NBEA: variants seen among roughly 807,000 people sequenced by gnomAD.
NBEA encodes lysosomal-trafficking regulator 2.
A neutral mutation model predicts 343.4 loss-of-function variants in NBEA; 44 were observed. That is an observed-to-expected ratio of 0.13 (90% CI 0.10 to 0.16). The LOEUF (loss-of-function observed/expected upper bound fraction) is 0.16, where lower values mean the gene tolerates loss of function less well. Among genes scored for constraint, NBEA ranks in the 10% least tolerant of loss-of-function variants. The probability of loss-of-function intolerance (pLI) is 1.00; values close to 1 mark genes in which losing one functional copy is unlikely to be tolerated. For missense variants in NBEA, 2,555 were observed against 3,631.3 expected (o/e 0.70, Z 7.62); for synonymous variants, 1,175 against 1,238.7 (o/e 0.95, Z 1.08).
chr13:35,146,822 C>T (rs1403231788), intron 18 of NBEA, among the ~76,000 whole-genome samples: 1 of 152,126 alleles, frequency 6.6e-6, no homozygotes, highest in South Asian at 2.1e-4. Context: ...TCAGCCCTAT[C>T]TCTATTATTG....
intron 48 of NBEA, among the ~76,000 whole-genome samples, chr13:35,617,663 TCA>T (rs1237804541): frequency 6.6e-6 from 1 of 152,334 alleles, no homozygotes; most frequent in East Asian, 1.9e-4. Context: ...TGCTCGTCTC[TCA>T]GTGTCTCCTG....
At chr13:35,130,724 C>T (rs2067373813) in intron 17 of NBEA, among the ~76,000 whole-genome samples, 1 of 150,638 alleles carries the variant, frequency 6.6e-6, no homozygotes, top group Non-Finnish European at 1.5e-5. Flanking sequence ...TTCAAACACA[C>T]AAAACTATAG....
chr13:34,995,020 T>C (rs1037426727), intron 1 of NBEA, among the ~76,000 whole-genome samples: 6 of 152,200 alleles, frequency 3.9e-5, no homozygotes, highest in Admixed American at 1.3e-4. Context: ...TGCTGAGAGC[T>C]TGTTGGGTGG....
At chr13:35,085,050 GAATAGACCAAT>G in intron 10 of NBEA, among the ~76,000 whole-genome samples, 1 of 152,184 alleles carries the variant, frequency 6.6e-6, no homozygotes, top group Non-Finnish European at 1.5e-5. Flanking sequence ...TTGAATCTCT[GAATAGACCAAT>G]AACAGGCTCT....
At chr13:35,015,280 G>A (rs529327208) in intron 1 of NBEA, among the ~76,000 whole-genome samples, 8 of 151,998 alleles carry the variant, frequency 5.3e-5, no homozygotes, top group South Asian at 2.1e-4. Context: ...TTGAAATAAT[G>A]TAGCTATTCA....
chr13:35,199,819 A>G (rs1437345449), intron 31 of NBEA, among the ~76,000 whole-genome samples: 2 of 152,124 alleles, frequency 1.3e-5, no homozygotes, highest in Non-Finnish European at 2.9e-5. Context: ...TTACTATTAC[A>G]TATTTCATCA....
chr13:35,070,174 A>C, intron 9 of NBEA, 69 bp downstream of exon 9: 1 of 1,304,682 alleles, frequency 7.7e-7, no homozygotes, highest in Non-Finnish European at 1.0e-6. Context: ...TTATATATCA[A>C]ACATTGCTCA....
intron 17 of NBEA, among the ~76,000 whole-genome samples, chr13:35,127,406 A>G (rs2067189752): frequency 6.6e-6 from 1 of 152,232 alleles, no homozygotes; most frequent in South Asian, 2.1e-4. Flanking sequence ...GCTGGTGAGC[A>G]CTGAATAAAT....
At chr13:35,340,652 A>T (rs1042126797) in intron 36 of NBEA, among the ~76,000 whole-genome samples, 7 of 152,034 alleles carry the variant, frequency 4.6e-5, no homozygotes, top group East Asian at 1.9e-4. Context: ...AACTTTTTTT[A>T]AAAAAGGAAT....
intron 41 of NBEA, chr13:35,475,834 A>C: frequency 6.2e-7 from 1 of 1,614,020 alleles, no homozygotes; most frequent in Non-Finnish European, 8.5e-7. Context: ...CCCGTCGCTC[A>C]ACTTCAGCAC....
At chr13:35,288,611 G>A (rs1177129070) in intron 34 of NBEA, among the ~76,000 whole-genome samples, 1 of 151,646 alleles carries the variant, frequency 6.6e-6, no homozygotes, top group African/African-American at 2.4e-5. Context: ...AACTATAAAT[G>A]GTCTTGTTGC....
At chr13:35,416,585 C>G (rs1242390207) in intron 38 of NBEA, among the ~76,000 whole-genome samples, 1 of 152,146 alleles carries the variant, frequency 6.6e-6, no homozygotes, top group Admixed American at 6.5e-5. Context: ...AGGGATGAAG[C>G]CAACTTGATC....
At chr13:35,355,573 C>T (rs1366713584) in intron 38 of NBEA, among the ~76,000 whole-genome samples, 1 of 152,086 alleles carries the variant, frequency 6.6e-6, no homozygotes, top group Non-Finnish European at 1.5e-5. Flanking sequence ...ACGCTTGCTG[C>T]AGAGGTTTAG....
At chr13:35,452,043 G>A in intron 39 of NBEA, 49 bp from the exon 40 acceptor site, 2 of 1,363,746 alleles carry the variant, frequency 1.5e-6, no homozygotes, top group South Asian at 2.5e-5. Context: ...CCTACTATAA[G>A]CAGAAACAAT....
intron 36 of NBEA, among the ~76,000 whole-genome samples, chr13:35,334,847 T>G (rs1381772729): frequency 1.3e-5 from 2 of 152,206 alleles, no homozygotes; most frequent in Non-Finnish European, 2.9e-5. Flanking sequence ...GTGAAGAAGT[T>G]TTTTAACTTG....
chr13:35,497,587 G>T (rs1328665448), intron 41 of NBEA, among the ~76,000 whole-genome samples: 1 of 151,996 alleles, frequency 6.6e-6, no homozygotes, highest in African/African-American at 2.4e-5. Context: ...AGCAAGGTCT[G>T]CATAAATCTG....
intron 34 of NBEA, among the ~76,000 whole-genome samples, chr13:35,258,945 C>T (rs2032939847): frequency 1.3e-5 from 2 of 152,046 alleles, no homozygotes; most frequent in Non-Finnish European, 2.9e-5. Context: ...GTGTTCTGAG[C>T]ATGTTTGAGG....
chr13:35,123,975 T>A (rs2066935280), intron 17 of NBEA, among the ~76,000 whole-genome samples: 3 of 152,140 alleles, frequency 2.0e-5, no homozygotes, highest in African/African-American at 4.8e-5. Flanking sequence ...CAGTATTTGT[T>A]ATTAGTTTCT....
chr13:35,042,777 G>T (rs2062702196), intron 2 of NBEA, among the ~76,000 whole-genome samples: 1 of 151,668 alleles, frequency 6.6e-6, no homozygotes, highest in Non-Finnish European at 1.5e-5. Flanking sequence ...ATAAATGTCA[G>T]AAAAATACCT....
Sources: allele counts gnomAD v4.1 joint callset (sites outside exome capture counted in the v4.1 genomes callset), GRCh38; gene constraint gnomAD v4.1.1; transcripts MANE v1.5; gene names NCBI Gene and HGNC (gene_info 2026-07-23, HGNC 2026-07-21).